Variants in KIAA1671 observed in about 807,000 individuals in gnomAD.
The protein encoded by KIAA1671 is KIAA1671, also known as uncharacterized protein KIAA1671.
A neutral mutation model predicts 131.2 loss-of-function variants in KIAA1671; 52 were observed. That is an observed-to-expected ratio of 0.40 (90% CI 0.32 to 0.50). The LOEUF is 0.50. Among genes scored for constraint, KIAA1671 ranks in the 20% least tolerant of loss-of-function variants. KIAA1671 has a pLI of 0.73. For synonymous variants in KIAA1671, 1,003 were observed against 961.6 expected, an observed-to-expected ratio of 1.04 and a Z score of -0.80; for missense variants, 2,360 against 2,364.2, an observed-to-expected ratio of 1.00 and a Z score of 0.04.
chr22:25,062,961 A>G (rs953308174), intron 6 of KIAA1671: 5 of 152,010 alleles, frequency 3.3e-5, no homozygotes, highest in Non-Finnish European at 7.4e-5. Flanking sequence ...TGGGGCAGAT[A>G]ACCCCCTTTT....
At chr22:25,038,727 G>T in intron 4 of KIAA1671, 33 bp from the exon 5 acceptor site, 2 of 1,509,094 alleles carry the variant, frequency 1.3e-6, no homozygotes, top group Non-Finnish European at 1.8e-6. Flanking sequence ...CTTAAACACT[G>T]AGGTGTTTCT....
intron 6 of KIAA1671, among the ~76,000 whole-genome samples, chr22:25,157,526 C>G (rs1015863976): frequency 6.6e-6 from 1 of 152,146 alleles, no homozygotes; most frequent in Admixed American, 6.5e-5. Context: ...AGGTTAAATA[C>G]ATTTTTTAAA....
At chr22:25,135,613 T>G (rs1273599998) in intron 6 of KIAA1671, among the ~76,000 whole-genome samples, 1 of 152,218 alleles carries the variant, frequency 6.6e-6, no homozygotes. Flanking sequence ...TGTGACTAAT[T>G]AACACCTCTT....
intron 5 of KIAA1671, among the ~76,000 whole-genome samples, chr22:25,044,519 C>T (rs1232509213): frequency 1.3e-5 from 2 of 152,130 alleles, no homozygotes; most frequent in African/African-American, 4.8e-5. Context: ...AGCACGCAGG[C>T]CCCAGCAGTG....
At position 25,031,193 on chromosome 22, in the gene KIAA1671, A is replaced by AT. The variant is rs58221822; in HGVS notation, c.1542-1393dup. Among the ~76,000 whole-genome samples, 871 of 113,284 alleles carry AT rather than the reference A, an allele frequency of 7.7e-3. 7 individuals carry two copies. The highest frequency in any genetic ancestry group is 0.032 in the South Asian group (102 of 3,214). 74.3% of individuals were successfully genotyped at this position (113,284 alleles called of 152,430 possible). ...AGGCACGCGCCACCACACCCAGCTA[A>AT]TTTTTTTTTTTTTTTTTTTTTTTGA... is the stretch of plus-strand genomic sequence containing the variant. On this transcript the variant is annotated intron_variant, in intron 3 of 12. Transcript: ENST00000358431.
chr22:25,010,639 C>T (rs999688193), intron 1 of KIAA1671: 1 of 152,058 alleles, frequency 6.6e-6, no homozygotes, highest in Admixed American at 6.6e-5. Context: ...GAAGTGGCTC[C>T]GTTAAAGGAA....
At chr22:25,015,130 G>A (rs1218909913) in intron 1 of KIAA1671, 1 of 150,404 alleles carries the variant, frequency 6.6e-6, no homozygotes, top group Non-Finnish European at 1.5e-5. Context: ...GTCCCAACTA[G>A]TTAGGAGGCT....
At chr22:24,960,288 G>A in intron 1 of KIAA1671, among the ~76,000 whole-genome samples, 1 of 151,276 alleles carries the variant, frequency 6.6e-6, no homozygotes, top group East Asian at 1.9e-4. Flanking sequence ...TGGTGGCTCG[G>A]GCCTGTAATC....
chr22:24,983,911 T>G (rs1923369331), intron 1 of KIAA1671, among the ~76,000 whole-genome samples: 1 of 151,632 alleles, frequency 6.6e-6, no homozygotes, highest in South Asian at 2.1e-4. Context: ...CCCAAGTAGC[T>G]GGGATTACAG....
intron 11 of KIAA1671, chr22:25,186,430 A>C (rs971555510): frequency 6.6e-6 from 1 of 151,752 alleles, no homozygotes; most frequent in Non-Finnish European, 1.5e-5. Context: ...TGTCACGAAA[A>C]ATAAAAAAAG....
intron 6 of KIAA1671, among the ~76,000 whole-genome samples, chr22:25,079,260 C>T (rs895021353): frequency 7.3e-5 from 11 of 151,194 alleles, no homozygotes; most frequent in Non-Finnish European, 1.5e-4. Flanking sequence ...GATGGAGTCT[C>T]GCTCTGTCGC....
chr22:24,968,002 GA>G (rs1294781863), intron 1 of KIAA1671, among the ~76,000 whole-genome samples: 4 of 151,640 alleles, frequency 2.6e-5, no homozygotes, highest in African/African-American at 9.7e-5. Flanking sequence ...CAAAAGAAAA[GA>G]AAAAAAGACT....
intron 6 of KIAA1671, among the ~76,000 whole-genome samples, chr22:25,152,461 CACAT>C (rs1222264376): frequency 9.9e-5 from 15 of 152,192 alleles, no homozygotes; most frequent in African/African-American, 3.4e-4. Context: ...GGCACACAGA[CACAT>C]GCATGTACAG....
intron 6 of KIAA1671, among the ~76,000 whole-genome samples, chr22:25,092,266 C>T (rs1023406619): frequency 1.3e-5 from 2 of 152,104 alleles, no homozygotes; most frequent in Non-Finnish European, 2.9e-5. Flanking sequence ...TTGGGTGGAG[C>T]CCTGAGGGAA....
intron 6 of KIAA1671, among the ~76,000 whole-genome samples, chr22:25,091,531 C>T (rs557124216): frequency 8.5e-5 from 13 of 152,280 alleles, no homozygotes; most frequent in Admixed American, 2.0e-4. Flanking sequence ...TTTTTCCTCT[C>T]CAAGCCAAAT....
At chr22:25,065,966 A>G (rs1453148179) in intron 6 of KIAA1671, among the ~76,000 whole-genome samples, 1 of 151,974 alleles carries the variant, frequency 6.6e-6, no homozygotes, top group Non-Finnish European at 1.5e-5. Flanking sequence ...AGAAACAGAG[A>G]TGTATTTCTC....
At chr22:25,000,925 G>C (rs191377275) in intron 1 of KIAA1671, among the ~76,000 whole-genome samples, 2 of 152,078 alleles carry the variant, frequency 1.3e-5, no homozygotes, top group African/African-American at 4.8e-5. Flanking sequence ...GGGATTATAG[G>C]CATGAGCCAG....
rs75120151 is a variant in KIAA1671 at position 24,965,078 on chromosome 22, G to T, written c.-208+12306G>T. On this transcript the variant is annotated intron_variant, in intron 1 of 12. Transcript: ENST00000358431. ...ATTAGATACAGCAACCATTTATAAAGTCTCTGGCACATAGTAGGCTCTTAA... is the reference window on the plus strand; with the variant it reads ...ATTAGATACAGCAACCATTTATAAATTCTCTGGCACATAGTAGGCTCTTAA... Among the ~76,000 whole-genome samples the T allele has an allele frequency of 8.3e-3, 1,224 of 148,214 alleles. 17 individuals are homozygous for T. Among genetic ancestry groups the T allele is most frequent in the Middle Eastern group, 0.021 (6 of 290 alleles).
At chr22:25,047,202 G>A (rs1167482730) in intron 5 of KIAA1671, among the ~76,000 whole-genome samples, 1 of 148,952 alleles carries the variant, frequency 6.7e-6, no homozygotes, top group Admixed American at 6.7e-5. Flanking sequence ...CCAGGCTGGA[G>A]TGCAGTGGCA....
Sources: gnomAD v4.1 joint callset for allele counts (sites outside exome capture counted in the v4.1 genomes callset) on GRCh38, gnomAD v4.1.1 for gene constraint, MANE v1.5 for transcripts, NCBI Gene and HGNC (gene_info 2026-07-23, HGNC 2026-07-21) for gene names.